The following MICU1 variants were observed in gnomAD, a reference collection of about 807,000 sequenced individuals.
The protein encoded by MICU1 is calcium uptake protein 1, mitochondrial.
MICU1 carries 45 observed loss-of-function variants against 56.8 expected under a neutral mutation model. The observed-to-expected ratio is 0.79, with a 90% CI of 0.62 to 1.02. MICU1 has a LOEUF of 1.02. Ranked by LOEUF, MICU1 falls within the 50% of genes least tolerant of loss-of-function variation. The pLI, the probability that MICU1 is intolerant of heterozygous loss-of-function variation, is 0.00. For missense variants in MICU1, 504 were observed against 587.1 expected (o/e 0.86, Z 1.46); for synonymous variants, 186 against 195.1 (o/e 0.95, Z 0.39).
intron 1 of MICU1, among the ~76,000 whole-genome samples, chr10:72,598,294 C>T (rs1311319450): frequency 6.6e-6 from 1 of 151,784 alleles, no homozygotes; most frequent in African/African-American, 2.4e-5. Flanking sequence ...CTTGCCCTGT[C>T]GCCCAGGTTG....
rs1282354277 is a variant in MICU1 at position 72,457,214 on chromosome 10, AC to A, written c.933+17885del. 9.2e-3 allele frequency among the ~76,000 whole-genome samples: 1,325 copies of A among 143,778 alleles called. 18 individuals carry two copies. The highest frequency in any genetic ancestry group is 0.032 in the African/African-American group (1,231 of 38,580). The allele number at this position is 143,778 out of a possible 152,430, so 94.3% of individuals were successfully genotyped here. ...TGGGTTAGAAACTGTCTTACTTCCT[AC>A]TTTTTTTTTTTTTTTTTTAAAGAGA... On this transcript the variant is annotated intron_variant, in intron 8 of 11. Coordinates refer to ENST00000361114, the MANE Select transcript of MICU1 (RefSeq NM_001195518.2).
At chr10:72,513,421 G>A (rs1235223220) in intron 5 of MICU1, among the ~76,000 whole-genome samples, 1 of 152,100 alleles carries the variant, frequency 6.6e-6, no homozygotes, top group Admixed American at 6.5e-5. Context: ...TTTGGCTGTT[G>A]AGTTCTAATC....
intron 10 of MICU1, among the ~76,000 whole-genome samples, chr10:72,382,909 A>G (rs573208767): frequency 6.6e-6 from 1 of 152,318 alleles, no homozygotes; most frequent in East Asian, 1.9e-4. Flanking sequence ...CCTCCGTCCA[A>G]TAGTAACTTG....
intron 9 of MICU1, among the ~76,000 whole-genome samples, chr10:72,408,797 C>T (rs920887435): frequency 1.3e-5 from 2 of 152,112 alleles, no homozygotes; most frequent in Non-Finnish European, 2.9e-5. Context: ...GAAGAATCAC[C>T]AAAGTCAGTG....
At chr10:72,418,128 C>T (rs7895287) in intron 9 of MICU1, among the ~76,000 whole-genome samples, 6,235 of 152,144 alleles carry the variant, frequency 0.041, 421 homozygotes, top group African/African-American at 0.14. Flanking sequence ...GGAAACTGCC[C>T]CATGATTCAA....
chr10:72,495,321 G>A (rs901998037), intron 6 of MICU1, among the ~76,000 whole-genome samples: 1 of 151,926 alleles, frequency 6.6e-6, no homozygotes, highest in South Asian at 2.1e-4. Context: ...CCAAAGTGAC[G>A]GCTTATGCCA....
intron 6 of MICU1, among the ~76,000 whole-genome samples, chr10:72,506,994 A>C (rs1179929813): frequency 1.3e-5 from 2 of 152,186 alleles, no homozygotes; most frequent in Admixed American, 1.3e-4. Context: ...TTCCTTGTCA[A>C]TCCTTACACA....
intron 11 of MICU1, among the ~76,000 whole-genome samples, chr10:72,368,570 T>C (rs1440297269): frequency 6.6e-6 from 1 of 152,184 alleles, no homozygotes; most frequent in Non-Finnish European, 1.5e-5. Flanking sequence ...AAAAGTTGAA[T>C]GAAAATACAG....
At chr10:72,556,319 T>C (rs1245837357) in intron 3 of MICU1, among the ~76,000 whole-genome samples, 2 of 152,140 alleles carry the variant, frequency 1.3e-5, no homozygotes, top group Non-Finnish European at 2.9e-5. Context: ...AGTAATAATA[T>C]ACATAAATTC....
At chr10:72,391,609 C>T (rs755367297) in intron 10 of MICU1, among the ~76,000 whole-genome samples, 11 of 151,858 alleles carry the variant, frequency 7.2e-5, no homozygotes, top group Non-Finnish European at 1.3e-4. Context: ...GTACAGTTGG[C>T]CCTGGAACAA....
At chr10:72,526,183 G>A (rs959553356) in intron 5 of MICU1, among the ~76,000 whole-genome samples, 3 of 152,136 alleles carry the variant, frequency 2.0e-5, no homozygotes, top group Admixed American at 6.5e-5. Context: ...AAGAACTTTG[G>A]ATGGGAAAGA....
intron 10 of MICU1, chr10:72,379,695 T>G (rs1862638610): frequency 3.8e-6 from 1 of 260,308 alleles, no homozygotes; most frequent in Admixed American, 5.0e-5. Flanking sequence ...AATAGGGACT[T>G]CTGGAGGCCT....
At chr10:72,450,761 C>G (rs1298717946) in intron 8 of MICU1, among the ~76,000 whole-genome samples, 1 of 141,112 alleles carries the variant, frequency 7.1e-6, no homozygotes, top group African/African-American at 2.7e-5. Context: ...ATCTCACTCT[C>G]TCATCCAGGC....
At chr10:72,549,971 T>A (rs1839993908) in intron 4 of MICU1, among the ~76,000 whole-genome samples, 1 of 150,624 alleles carries the variant, frequency 6.6e-6, no homozygotes, top group South Asian at 2.1e-4. Flanking sequence ...CATATCCTAC[T>A]CCTATACCAT....
intron 8 of MICU1, among the ~76,000 whole-genome samples, chr10:72,465,233 A>T (rs958120821): frequency 2.0e-5 from 3 of 151,592 alleles, no homozygotes; most frequent in African/African-American, 7.3e-5. Flanking sequence ...CCTGGCCTCA[A>T]GTGATCCTCC....
chr10:72,535,777 T>C (rs760775531), intron 4 of MICU1, among the ~76,000 whole-genome samples: 2 of 152,214 alleles, frequency 1.3e-5, no homozygotes, highest in South Asian at 2.1e-4. Context: ...GATGTATGCT[T>C]ACTAATTGCA....
At chr10:72,610,494 A>G (rs1195325775) in intron 1 of MICU1, among the ~76,000 whole-genome samples, 1 of 152,166 alleles carries the variant, frequency 6.6e-6, no homozygotes, top group African/African-American at 2.4e-5. Flanking sequence ...AACGAACAAG[A>G]GATAGTAAAG....
intron 6 of MICU1, among the ~76,000 whole-genome samples, chr10:72,481,761 G>C (rs1317617519): frequency 6.6e-6 from 1 of 152,110 alleles, no homozygotes; most frequent in African/African-American, 2.4e-5. Context: ...GAAGAGTGAG[G>C]CTTTCCCCCC....
chr10:72,590,701 T>G (rs1400583238), intron 1 of MICU1, among the ~76,000 whole-genome samples: 1 of 152,060 alleles, frequency 6.6e-6, no homozygotes, highest in East Asian at 1.9e-4. Context: ...TAATCCCAGC[T>G]ACTCAGGAGG....
Sources: allele counts gnomAD v4.1 joint callset (sites outside exome capture counted in the v4.1 genomes callset), GRCh38; gene constraint gnomAD v4.1.1; transcripts MANE v1.5; gene names NCBI Gene and HGNC (gene_info 2026-07-23, HGNC 2026-07-21).